Variants in RBFOX1 observed in about 807,000 individuals in gnomAD.
The protein encoded by RBFOX1 is RNA binding protein fox-1 homolog 1.
Under a neutral mutation model 57.7 loss-of-function variants are expected in RBFOX1, and 8 were observed. The ratio of observed to expected loss-of-function variants is 0.14; its 90% CI spans 0.08 to 0.25. The LOEUF is 0.25. RBFOX1 is among the 10% of genes least tolerant of loss of function. The pLI is 1.00. For missense variants in RBFOX1, 611 were observed against 548.5 expected (o/e 1.11, Z -1.14); for synonymous variants, 326 against 222.4 (o/e 1.47, Z -4.15).
At chr16:6,621,664 A>G (rs183981321) in intron 2 of RBFOX1, among the ~76,000 whole-genome samples, 3 of 152,304 alleles carry the variant, frequency 2.0e-5, no homozygotes, top group East Asian at 1.9e-4. Flanking sequence ...ATATTACTGT[A>G]TCAACCCCAT....
intron 4 of RBFOX1, among the ~76,000 whole-genome samples, chr16:7,083,602 C>G (rs748046145): frequency 6.6e-6 from 1 of 152,166 alleles, no homozygotes; most frequent in Non-Finnish European, 1.5e-5. Context: ...TCTGCTAACT[C>G]AGATGCACAA....
chr16:6,236,192 A>T (rs1428283713), intron 1 of RBFOX1, among the ~76,000 whole-genome samples: 1 of 152,168 alleles, frequency 6.6e-6, no homozygotes, highest in Non-Finnish European at 1.5e-5. Flanking sequence ...TGAGCTCAGT[A>T]TGCCTTTGTT....
intron 2 of RBFOX1, among the ~76,000 whole-genome samples, chr16:5,567,812 A>G (rs1486143181): frequency 6.6e-6 from 1 of 152,164 alleles, no homozygotes; most frequent in Non-Finnish European, 1.5e-5. Flanking sequence ...TATCTTGCCA[A>G]GCACGTCCTG....
In RBFOX1 at chr16:6,259,635, T is replaced by C. The variant is rs79064004; in HGVS notation, c.-126-57360T>C. On this transcript the variant is annotated intron_variant, in intron 1 of 15. Transcript: ENST00000550418. ...AGTGGATTGGTGACTGAAAAATATC[T>C]GCGATCATGTACGTAGAACAAATAA... Among the ~76,000 whole-genome samples, 491 of 152,174 alleles carry C rather than the reference T, an allele frequency of 3.2e-3. 2 individuals carry two copies. Among genetic ancestry groups the C allele is most frequent in the African/African-American group, 0.011 (468 of 41,532 alleles).
intron 1 of RBFOX1, among the ~76,000 whole-genome samples, chr16:6,032,870 A>T (rs1384007406): frequency 1.4e-5 from 2 of 143,570 alleles, no homozygotes; most frequent in Non-Finnish European, 3.0e-5. Flanking sequence ...CAAAATGCAA[A>T]ACCTAGTGTA....
intron 3 of RBFOX1, among the ~76,000 whole-genome samples, chr16:6,807,179 G>C (rs80235426): frequency 0.018 from 2,745 of 152,000 alleles, 82 homozygotes; most frequent in African/African-American, 0.063. Flanking sequence ...GTGAGAAACA[G>C]ATTGGAGATT....
intron 4 of RBFOX1, among the ~76,000 whole-genome samples, chr16:6,002,579 G>T (rs1415567822): frequency 6.6e-6 from 1 of 152,142 alleles, no homozygotes; most frequent in Non-Finnish European, 1.5e-5. Flanking sequence ...ATTGAGAGAA[G>T]AGAACTCCAT....
At chr16:6,922,683 T>C (rs1032213326) in intron 3 of RBFOX1, among the ~76,000 whole-genome samples, 1 of 152,132 alleles carries the variant, frequency 6.6e-6, no homozygotes, top group Non-Finnish European at 1.5e-5. Context: ...TTAGGCCATG[T>C]TTTGGGCCTC....
chr16:6,153,629 G>A (rs760314843), intron 1 of RBFOX1, among the ~76,000 whole-genome samples: 6 of 151,962 alleles, frequency 3.9e-5, no homozygotes, highest in African/African-American at 4.8e-5. Context: ...TCTGCCTCCC[G>A]GGTTCAAGTG....
rs146494596 is a variant in RBFOX1, at chr16:7,457,076, G to T, written c.28-61071G>T. ...CTAATTTTGTATTTTTAGTAGAGACGGGGTTTCTCCGTGTTGGTCAGGCTG... is the reference window on the plus strand; with the variant it reads ...CTAATTTTGTATTTTTAGTAGAGACTGGGTTTCTCCGTGTTGGTCAGGCTG... On this transcript the variant is annotated intron_variant, in intron 4 of 15. Coordinates refer to ENST00000550418, the MANE Select transcript of RBFOX1 (RefSeq NM_018723.4). 8.5e-3 allele frequency among the ~76,000 whole-genome samples: 1,291 copies of T among 152,012 alleles called. 16 individuals are homozygous for T. The highest frequency in any genetic ancestry group is 0.029 in the African/African-American group (1,223 of 41,484).
chr16:6,970,029 T>G (rs1353484031), intron 3 of RBFOX1, among the ~76,000 whole-genome samples: 1 of 151,778 alleles, frequency 6.6e-6, no homozygotes, highest in Non-Finnish European at 1.5e-5. Context: ...TTAAAAAAAA[T>G]TAGATGGGCA....
intron 4 of RBFOX1, among the ~76,000 whole-genome samples, chr16:7,384,130 C>G (rs189216419): frequency 6.6e-6 from 1 of 151,056 alleles, no homozygotes; most frequent in Admixed American, 6.6e-5. Flanking sequence ...ATATGTTCTT[C>G]TTATATTTAC....
chr16:6,973,317 C>T (rs921746271), intron 3 of RBFOX1, among the ~76,000 whole-genome samples: 6 of 152,086 alleles, frequency 3.9e-5, no homozygotes, highest in African/African-American at 1.2e-4. Context: ...CAAAATAAAG[C>T]TCAGCTTTGT....
chr16:7,130,999 T>G (rs1198248522), intron 4 of RBFOX1, among the ~76,000 whole-genome samples: 1 of 152,152 alleles, frequency 6.6e-6, no homozygotes, highest in Non-Finnish European at 1.5e-5. Context: ...AAGAGATGGG[T>G]ATCTTAAAAG....
At chr16:7,506,232 C>T (rs1600294416) in intron 4 of RBFOX1, among the ~76,000 whole-genome samples, 2 of 136,392 alleles carry the variant, frequency 1.5e-5, no homozygotes, top group East Asian at 4.3e-4. Context: ...TGTAAGCTGG[C>T]ATAGTTACCA....
chr16:5,408,892 G>A, intron 1 of RBFOX1, among the ~76,000 whole-genome samples: 1 of 152,214 alleles, frequency 6.6e-6, no homozygotes, highest in East Asian at 1.9e-4. Flanking sequence ...AGAGGAGGGT[G>A]TTACACCATT....
At chr16:5,477,790 T>G (rs4414495) in intron 2 of RBFOX1, among the ~76,000 whole-genome samples, 125,185 of 152,148 alleles carry the variant, frequency 0.82, 51,599 homozygotes, top group Middle Eastern at 0.9. Context: ...TCCTAGAAAT[T>G]CGTACTTGCA....
At chr16:5,861,121 G>C (rs552523289) in intron 3 of RBFOX1, among the ~76,000 whole-genome samples, 6 of 152,336 alleles carry the variant, frequency 3.9e-5, no homozygotes, top group African/African-American at 1.2e-4. Flanking sequence ...CACCAGGAGA[G>C]TTTGGGAGAG....
intron 4 of RBFOX1, among the ~76,000 whole-genome samples, chr16:5,927,510 A>C (rs534023668): frequency 6.6e-6 from 1 of 152,254 alleles, no homozygotes; most frequent in Non-Finnish European, 1.5e-5. Context: ...AATGTAAATT[A>C]GTACAGCTAT....
Sources: gnomAD v4.1 joint callset for allele counts (sites outside exome capture counted in the v4.1 genomes callset) on GRCh38, gnomAD v4.1.1 for gene constraint, MANE v1.5 for transcripts, NCBI Gene and HGNC (gene_info 2026-07-23, HGNC 2026-07-21) for gene names.